SLC39A5: variants seen among roughly 807,000 people sequenced by gnomAD.
SLC39A5 encodes zinc transporter ZIP5.
Under a neutral mutation model 46.9 loss-of-function variants are expected in SLC39A5, and 42 were observed. The observed-to-expected ratio is 0.90, with a 90% CI of 0.70 to 1.16. SLC39A5 has a LOEUF of 1.16. Ranked by LOEUF, SLC39A5 falls within the 50% of genes most tolerant of loss-of-function variation. The pLI is 0.00. For synonymous variants in SLC39A5, 311 were observed against 323.1 expected (o/e 0.96, Z 0.40); for missense variants, 677 against 686.8 (o/e 0.99, Z 0.16).
chr12:56,234,720 C>T, intron 5 of SLC39A5, 104 bp from the exon 6 acceptor site: 4 of 1,326,056 alleles, frequency 3.0e-6, no homozygotes, highest in Non-Finnish European at 4.2e-6. Flanking sequence ...CTGGGCCTCT[C>T]AAGGGCTGGG....
rs1870131445 is a variant in SLC39A5, at chr12:56,230,831, G to A, written c.-114G>A. 1 of 157,584 alleles carries A rather than the reference G, an allele frequency of 6.3e-6. No homozygotes were observed. The highest frequency in any genetic ancestry group is 2.0e-4 in the South Asian group (1 of 4,962). The allele number at this position is 157,584 out of a possible 1,614,324, so 9.8% of individuals were successfully genotyped here. ...CTGGATTCCCCCTTCCCTGACTCAG[G>A]AACTGCTTAACGTCTACAGCAAGGC... On this transcript the variant is annotated splice_region_variant and 5_prime_UTR_variant, in exon 3 of 13. Coordinates refer to ENST00000454355, the MANE Select transcript of SLC39A5 (RefSeq NM_173596.3).
chr12:56,236,458 T>C lies in SLC39A5; in HGVS notation c.1008T>C (p.Ser336=), dbSNP rs1008663804. Residue 336 remains serine (S), a synonymous_variant, in exon 9 of 13, where the codon AGT becomes AGC. Coordinates refer to ENST00000454355, the MANE Select transcript of SLC39A5 (RefSeq NM_173596.3). ...GCAACTTGGATCCGGAGAATGGCAGTGGGATGGCCCTTCAGCCCCTACAGG... is the reference window on the plus strand; with the variant it reads ...GCAACTTGGATCCGGAGAATGGCAGCGGGATGGCCCTTCAGCCCCTACAGG... ...ETRNLDPENG[S]GMALQPLQAA... The C allele has an allele frequency of 3.1e-6, 5 of 1,614,092 alleles. No individual in the cohort carries two copies. Among genetic ancestry groups the C allele is most frequent in the East Asian group, 2.2e-5 (1 of 44,900 alleles).
Position 56,237,798 on chromosome 12 carries a change from C to A in SLC39A5, c.*67C>A. ...CAACCACAGGAATGGAGGCGGGACA[C>A]AGGGCCAGTAGGAGCAATAGGATTT... On this transcript the variant is annotated 3_prime_UTR_variant, in exon 13 of 13. Transcript: ENST00000454355. 1 of 1,480,256 alleles carries A rather than the reference C, an allele frequency of 6.8e-7. No individual in the cohort carries two copies. Among genetic ancestry groups the A allele is most frequent in the Non-Finnish European group, 9.0e-7 (1 of 1,112,494 alleles). The allele number at this position is 1,480,256 out of a possible 1,614,324, so 91.7% of individuals were successfully genotyped here.
At chr12:56,235,508 T>A in intron 7 of SLC39A5, 52 bp from the exon 8 acceptor site, 3 of 1,581,132 alleles carry the variant, frequency 1.9e-6, no homozygotes, top group Middle Eastern at 1.7e-4. Context: ...TGCAAGGGGA[T>A]GTTGTTGGGT....
At chr12:56,231,658 T>TG in intron 4 of SLC39A5, 97 bp downstream of exon 4, 1 of 1,331,892 alleles carries the variant, frequency 7.5e-7, no homozygotes, top group Non-Finnish European at 1.0e-6. Flanking sequence ...ACGAGATCCC[T>TG]GGAGTTACAA....
In SLC39A5 at chr12:56,232,677, C is replaced by T; in HGVS notation, c.288-12C>T. ...CACAAGGGAGGCTGACTTGCTGTCT[C>T]ATCCATTCCAGGCCACAGAACCCTG... On this transcript the variant is annotated splice_polypyrimidine_tract_variant and intron_variant, in intron 4 of 12. Coordinates refer to ENST00000454355, the MANE Select transcript of SLC39A5 (RefSeq NM_173596.3). 1 of 1,587,348 alleles carries T rather than the reference C, an allele frequency of 6.3e-7. No individual in the cohort carries two copies.
rs746440215 is a variant in SLC39A5 at position 56,231,444 on chromosome 12, G to T, written c.170G>T (p.Gly57Val). The T allele has an allele frequency of 9.9e-6, 16 of 1,614,006 alleles. No homozygotes were observed. Among genetic ancestry groups the T allele is most frequent in the Non-Finnish European group, 1.4e-5 (16 of 1,179,958 alleles). The change falls in exon 4 of 13, where the codon GGC becomes GTC. Residue 57 changes from glycine (G) to valine (V), a missense_variant. Coordinates refer to ENST00000454355, the MANE Select transcript of SLC39A5 (RefSeq NM_173596.3). ...YGENGTLTAG[G>V]LARLLHSLGL... ...GAGAATGGGACGCTGACTGCAGGGG[G>T]CTTGGCGCGGCTTCTCCACAGCCTG... is the stretch of plus-strand genomic sequence containing the variant.
chr12:56,236,890 T>A, intron 10 of SLC39A5, 41 bp from the exon 11 acceptor site: 1 of 1,611,454 alleles, frequency 6.2e-7, no homozygotes, highest in Non-Finnish European at 8.5e-7. Context: ...CTGAGGAGAC[T>A]TTTCTTCTGG....
Position 56,235,737 on chromosome 12 carries a change from C to G in SLC39A5, c.945+37C>G, listed in dbSNP as rs1201754332. On this transcript the variant is annotated intron_variant, in intron 8 of 12. Coordinates refer to ENST00000454355, the MANE Select transcript of SLC39A5 (RefSeq NM_173596.3). ...CCTTTTCTCCTCCTTCTGCTGAGACCAGAGTCCCAGTCAAGAACTGGGCCA... is the reference window on the plus strand; with the variant it reads ...CCTTTTCTCCTCCTTCTGCTGAGACGAGAGTCCCAGTCAAGAACTGGGCCA... 3.7e-6 allele frequency: 6 copies of G among 1,612,068 alleles called. No individual in the cohort carries two copies. The East Asian group carries it at 1.3e-4, about 36-fold the overall frequency.
Position 56,235,205 on chromosome 12 carries a change from C to T in SLC39A5, c.683C>T (p.Pro228Leu), listed in dbSNP as rs1870616790. Residue 228 changes from proline to leucine, a missense_variant, in exon 7 of 13, where the codon CCC becomes CTC. Transcript: ENST00000454355. ...LAVLLLSLPSPLSLLLLRLLG... is the reference protein window; with the variant it reads ...LAVLLLSLPSLLSLLLLRLLG... ...GTCCTGTTGCTCAGCCTCCCTTCTC[C>T]CCTATCCCTGCTGCTGCTGCGGCTC... 1 of 1,578,818 alleles carries T rather than the reference C, an allele frequency of 6.3e-7. No homozygotes were observed. The highest frequency in any genetic ancestry group is 1.2e-5 in the South Asian group (1 of 84,746).
intron 5 of SLC39A5, among the ~76,000 whole-genome samples, chr12:56,234,203 A>G (rs1258238061): frequency 1.3e-5 from 2 of 151,934 alleles, no homozygotes; most frequent in Non-Finnish European, 2.9e-5. Flanking sequence ...GCTGGAGTGC[A>G]ATGGCGTGAT....
rs547306254 is a variant in SLC39A5, at chr12:56,236,805, T to C, written c.1207+59T>C. ...GAGGGGAGGCCAGGGCTCCTAGTTA[T>C]CAGCTGGGGCTAGGAGAGGGCCGTC... On this transcript the variant is annotated intron_variant, in intron 10 of 12. Coordinates refer to ENST00000454355, the MANE Select transcript of SLC39A5 (RefSeq NM_173596.3). 2.1e-5 allele frequency: 33 copies of C among 1,575,516 alleles called. No homozygotes were observed. The African/African-American group carries it at 3.5e-4, about 17-fold the overall frequency.
At position 56,237,617 on chromosome 12, in the gene SLC39A5, C is replaced by G. The variant is rs1224708050; in HGVS notation, c.1509C>G (p.Pro503=). Residue 503 remains proline, a synonymous_variant, in exon 13 of 13, where the codon CCC becomes CCG. Coordinates refer to ENST00000454355, the MANE Select transcript of SLC39A5 (RefSeq NM_173596.3). The part of the protein sequence containing the change: ...MLPALLRPPE[P]LPTPHVLLQG... ...CAGCCCTGCTTCGTCCTCCGGAGCC[C>G]CTGCCTACGCCCCATGTGCTCCTGC... The G allele has an allele frequency of 6.2e-6, 10 of 1,613,610 alleles. No individual in the cohort carries two copies. The South Asian group carries it at 8.8e-5, about 14-fold the overall frequency.
rs936926776 is a variant in SLC39A5, at chr12:56,234,863, A to G, written c.511A>G (p.Ser171Gly). ...GSQLLVNFGLSPAAPLTPRQF... is the reference protein window; with the variant it reads ...GSQLLVNFGLGPAAPLTPRQF... ...CCAGCTGCTGGTCAATTTTGGCTTG[A>G]GCCCCGCTGCTCCTCTGACCCCTCG... The change falls in exon 6 of 13, where the codon AGC (serine) becomes GGC (glycine). Residue 171 changes from serine (S) to glycine (G), a missense_variant. Coordinates refer to ENST00000454355, the MANE Select transcript of SLC39A5 (RefSeq NM_173596.3). The G allele has an allele frequency of 1.2e-6, 2 of 1,613,584 alleles. No individual in the cohort carries two copies. Among genetic ancestry groups the G allele is most frequent in the Admixed American group, 3.3e-5 (2 of 60,008 alleles).
chr12:56,232,540 T>C, intron 4 of SLC39A5, 149 bp from the exon 5 acceptor site: 1 of 696,098 alleles, frequency 1.4e-6, no homozygotes, highest in Non-Finnish European at 2.3e-6. Context: ...CTCACAGATC[T>C]TCCTAAGAAT....
At chr12:56,231,886 C>T (rs1044163343) in intron 4 of SLC39A5, among the ~76,000 whole-genome samples, 1 of 151,530 alleles carries the variant, frequency 6.6e-6, no homozygotes, top group Non-Finnish European at 1.5e-5. Flanking sequence ...CCACCACAGC[C>T]GGCTAATTTT....
chr12:56,231,087 G>T lies in SLC39A5; in HGVS notation c.-71-117G>T, dbSNP rs1592372269. 6.9e-6 allele frequency: 4 copies of T among 579,968 alleles called. No individual in the cohort carries two copies. The East Asian group carries it at 1.2e-4, about 17-fold the overall frequency. The allele number at this position is 579,968 out of a possible 1,614,324, so 35.9% of individuals were successfully genotyped here. On this transcript the variant is annotated intron_variant, in intron 3 of 12. Transcript: ENST00000454355. ...GAGGCAGTGTGAAGGGAGAAAGAAG[G>T]CTGCAGTAGGGGCTGCTGCTGGACT...
chr12:56,232,927 T>C, intron 5 of SLC39A5, 55 bp downstream of exon 5: 3 of 1,518,044 alleles, frequency 2.0e-6, no homozygotes, highest in South Asian at 2.5e-5. Context: ...TGGCCTGAAA[T>C]GTTTAAATAA....
chr12:56,237,113 GCTTACTCCCTCCCATC>G, intron 11 of SLC39A5, 21 bp from the exon 12 acceptor site: 10 of 1,613,078 alleles, frequency 6.2e-6, no homozygotes, highest in Non-Finnish European at 8.5e-6. Context: ...GGGCACCCCA[GCTTACTCCCTCCCATC>G]CTGTCCTCTG....
Sources: allele counts gnomAD v4.1 joint callset (sites outside exome capture counted in the v4.1 genomes callset), GRCh38; gene constraint gnomAD v4.1.1; transcripts MANE v1.5; gene names NCBI Gene and HGNC (gene_info 2026-07-23, HGNC 2026-07-21).